SMC4: variants seen among roughly 807,000 people sequenced by gnomAD.
SMC4 encodes the protein structural maintenance of chromosomes protein 4.
In SMC4, 87 loss-of-function variants were observed where a neutral mutation model predicts 145.6. That is an observed-to-expected ratio of 0.60 (90% confidence interval 0.50 to 0.71). The LOEUF is 0.71. Ranked by LOEUF, SMC4 falls within the 30% of genes least tolerant of loss-of-function variation. The probability of loss-of-function intolerance (pLI) is 0.00; values close to 1 mark genes in which losing one functional copy is unlikely to be tolerated. For missense variants in SMC4, 1,447 were observed against 1,537.1 expected (o/e 0.94, Z 0.98); for synonymous variants, 558 against 500.7 (o/e 1.11, Z -1.53).
chr3:160,404,084 G>C (rs971547930), intron 4 of SMC4: 1 of 391,850 alleles, frequency 2.6e-6, no homozygotes, highest in Non-Finnish European at 4.5e-6. Flanking sequence ...GGGTTTTTTC[G>C]TTGGCTGGTT....
chr3:160,418,711 C>T (rs1297788299), intron 11 of SMC4, among the ~76,000 whole-genome samples: 1 of 152,022 alleles, frequency 6.6e-6, no homozygotes, highest in Non-Finnish European at 1.5e-5. Flanking sequence ...AACTTTATGC[C>T]AGTACAGTAA....
chr3:160,433,404 T>G (rs1190120210), intron 23 of SMC4, 195 bp downstream of exon 23: 2 of 545,146 alleles, frequency 3.7e-6, no homozygotes, highest in Admixed American at 7.2e-5. Context: ...AGGAGTAAAA[T>G]ATAAATTAAA....
At chr3:160,408,652 T>G (rs1464239092) in intron 5 of SMC4, among the ~76,000 whole-genome samples, 3 of 152,264 alleles carry the variant, frequency 2.0e-5, no homozygotes, top group Admixed American at 2.0e-4. Flanking sequence ...TATATTGAGC[T>G]TATTGCCCTA....
At position 160,406,941 on chromosome 3, in the gene SMC4, T is replaced by G. The variant is rs539092964; in HGVS notation, c.687+2437T>G. On this transcript the variant is annotated intron_variant, in intron 5 of 23. Transcript: ENST00000357388. ...AGTTTGTTGTGATTGACCATTGTGT[T>G]TTTTATAATCGTACATTTTCTTTTA... Among the ~76,000 whole-genome samples, 29 of 152,346 alleles carry G rather than the reference T, an allele frequency of 1.9e-4. No individual in the cohort carries two copies. The East Asian group carries it at 1.9e-3, about 10-fold the overall frequency.
intron 22 of SMC4, 102 bp from the exon 23 acceptor site, chr3:160,432,924 A>T: frequency 1.3e-6 from 1 of 770,930 alleles, no homozygotes; most frequent in Non-Finnish European, 2.1e-6. Context: ...CAAGTTACAG[A>T]TTCCTAAAAA....
At position 160,433,870 on chromosome 3, in the gene SMC4, A is replaced by G. The variant is rs1442238506; in HGVS notation, c.*61A>G. The G allele has an allele frequency of 1.5e-6, 2 of 1,311,078 alleles. No homozygotes were observed. The highest frequency in any genetic ancestry group is 4.7e-5 in the East Asian group (2 of 42,240). 81.2% of individuals were successfully genotyped at this position (1,311,078 alleles called of 1,614,324 possible). On this transcript the variant is annotated 3_prime_UTR_variant, in exon 24 of 24. Transcript: ENST00000357388. ...TATTACTGATTTTTTTCTATTTGTA[A>G]AGGATTATGAGTTGTATAAAATACA...
intron 17 of SMC4, 75 bp downstream of exon 17, chr3:160,426,275 G>C (rs778496868): frequency 2.9e-5 from 31 of 1,087,408 alleles, no homozygotes; most frequent in Non-Finnish European, 4.1e-5. Flanking sequence ...TTAAGAAGCA[G>C]TAGAATAATA....
At chr3:160,425,158 T>C in intron 16 of SMC4, 139 bp downstream of exon 16, 2 of 1,296,822 alleles carry the variant, frequency 1.5e-6, no homozygotes, top group Non-Finnish European at 2.1e-6. Context: ...CAGATATAAC[T>C]CTTGATGATT....
intron 17 of SMC4, 149 bp from the exon 18 acceptor site, chr3:160,428,604 G>T (rs751045250): frequency 1.3e-5 from 7 of 534,762 alleles, no homozygotes; most frequent in East Asian, 7.3e-5. Context: ...ACAGGATATC[G>T]TTTTTTTTTT....
At chr3:160,428,707 C>G (rs199888145) in intron 17 of SMC4, 46 bp from the exon 18 acceptor site, 3 of 1,507,220 alleles carry the variant, frequency 2.0e-6, no homozygotes, top group South Asian at 2.5e-5. Context: ...AAATGATGTT[C>G]ATTAGCATAA....
In SMC4 at chr3:160,402,891, G is replaced by T. The variant is rs746646413; in HGVS notation, c.510+24G>T. On this transcript the variant is annotated intron_variant, in intron 4 of 23. Transcript: ENST00000357388. ...AGGTAAGGGATTTTTACTGTTATTG[G>T]CAAGTTCAAGTAAGGAAAATGGACT... 3.3e-6 allele frequency: 5 copies of T among 1,494,702 alleles called. No homozygotes were observed. The South Asian group carries it at 5.3e-5, about 16-fold the overall frequency. 92.6% of individuals were successfully genotyped at this position (1,494,702 alleles called of 1,614,324 possible).
chr3:160,420,710 C>T (rs1245865251), intron 12 of SMC4, 30 bp from the exon 13 acceptor site: 5 of 1,603,342 alleles, frequency 3.1e-6, no homozygotes, highest in Non-Finnish European at 4.2e-6. Flanking sequence ...TTCTGCCTAA[C>T]TCTTTTTTCA....
In SMC4 at chr3:160,427,936, C is replaced by T. The variant is rs1485036553; in HGVS notation, c.2606-817C>T. ...ACCCCATCTCTTTGAAAAATACACA[C>T]GCACGCACACACACAAACACACACA... On this transcript the variant is annotated intron_variant, in intron 17 of 23. Transcript: ENST00000357388. Among the ~76,000 whole-genome samples the T allele has an allele frequency of 4.6e-5, 7 of 152,000 alleles. No individual in the cohort carries two copies. In the East Asian group the frequency reaches 5.8e-4, roughly 13 times the overall value.
In SMC4 at chr3:160,428,745, A is replaced by G. The variant is rs554393347; in HGVS notation, c.2606-8A>G. 54 of 1,562,644 alleles carry G rather than the reference A, an allele frequency of 3.5e-5. No individual in the cohort carries two copies. The South Asian group carries it at 6.4e-4, about 19-fold the overall frequency. ...ACACAAATTAGGTTCTTTATTTTTT[A>G]ATTTCAGAATATGATGCTGTGGCTG... On this transcript the variant is annotated splice_region_variant and splice_polypyrimidine_tract_variant and intron_variant, in intron 17 of 23. Coordinates refer to ENST00000357388, the MANE Select transcript of SMC4 (RefSeq NM_001002800.3).
chr3:160,400,014 A>G (rs887496767), intron 1 of SMC4: 10 of 152,126 alleles, frequency 6.6e-5, no homozygotes, highest in Non-Finnish European at 1.5e-4. Context: ...TCTTTAAAAA[A>G]TCCTAGTCTC....
Position 160,423,985 on chromosome 3 carries a change from T to A in SMC4, c.2325+145T>A, listed in dbSNP as rs1384651193. On this transcript the variant is annotated intron_variant, in intron 15 of 23. Transcript: ENST00000357388. Reference sequence around the variant, plus strand: ...GCGTTTTCTATAAATGACTAGGGATTTTTTATGTAAAGCCCTTTAAAGTTT... The same window carrying A: ...GCGTTTTCTATAAATGACTAGGGATATTTTATGTAAAGCCCTTTAAAGTTT... 1.3e-5 allele frequency: 7 copies of A among 522,304 alleles called. No individual in the cohort carries two copies. The Admixed American group carries it at 2.2e-4, about 17-fold the overall frequency. 32.4% of individuals were successfully genotyped at this position (522,304 alleles called of 1,614,324 possible).
At chr3:160,428,413 C>T (rs1489046888) in intron 17 of SMC4, among the ~76,000 whole-genome samples, 1 of 152,124 alleles carries the variant, frequency 6.6e-6, no homozygotes, top group African/African-American at 2.4e-5. Flanking sequence ...TTGAGTTAGG[C>T]ACATAGTGTA....
intron 4 of SMC4, chr3:160,403,988 G>GA: frequency 4.5e-6 from 1 of 220,098 alleles, no homozygotes; most frequent in Non-Finnish European, 8.8e-6. Flanking sequence ...CTGTCAACAT[G>GA]TTAATAATTT....
At chr3:160,424,725 G>A (rs568106175) in intron 15 of SMC4, 142 bp from the exon 16 acceptor site, 9 of 778,276 alleles carry the variant, frequency 1.2e-5, no homozygotes, top group Non-Finnish European at 1.7e-5. Context: ...CAGGAGAATC[G>A]CTTGAACCCG....
Sources: gnomAD v4.1 joint callset for allele counts (sites outside exome capture counted in the v4.1 genomes callset) on GRCh38, gnomAD v4.1.1 for gene constraint, MANE v1.5 for transcripts, NCBI Gene and HGNC (gene_info 2026-07-23, HGNC 2026-07-21) for gene names.